The following ABTB3 variants were observed in gnomAD, a reference collection of about 807,000 sequenced individuals.
The protein encoded by ABTB3 is ankyrin repeat- and BTB/POZ domain-containing protein 3.
the ABTB3 span, among the ~76,000 whole-genome samples, chr12:107,550,300 C>T: frequency 6.6e-6 from 1 of 152,076 alleles, no homozygotes; most frequent in Non-Finnish European, 1.5e-5. Flanking sequence ...CCAACAGGAC[C>T]TGTCATTGTT....
At chr12:107,320,545 CG>C in the ABTB3 span, 1 of 456,020 alleles carries the variant, frequency 2.2e-6, no homozygotes, top group East Asian at 7.0e-5. Flanking sequence ...CCCACTCCCT[CG>C]GGGGGCACGC....
chr12:107,340,106 C>A, the ABTB3 span, among the ~76,000 whole-genome samples: 1 of 151,768 alleles, frequency 6.6e-6, no homozygotes, highest in African/African-American at 2.4e-5. Context: ...ATACTGAAGT[C>A]AACAATTAAT....
the ABTB3 span, chr12:107,615,238 G>C: frequency 4.3e-6 from 5 of 1,151,046 alleles, no homozygotes; most frequent in Admixed American, 9.7e-5. Context: ...ACCTCTCCCA[G>C]CATGCATATT....
At chr12:107,541,382 G>C in the ABTB3 span, among the ~76,000 whole-genome samples, 4 of 152,238 alleles carry the variant, frequency 2.6e-5, no homozygotes, top group African/African-American at 9.6e-5. Context: ...CATCATGTCA[G>C]ATATCGTATT....
the ABTB3 span, among the ~76,000 whole-genome samples, chr12:107,382,303 G>A: frequency 6.6e-6 from 1 of 152,098 alleles, no homozygotes; most frequent in Non-Finnish European, 1.5e-5. Context: ...GGAGAGATGG[G>A]CCAGGACCTG....
chr12:107,533,890 T>C, the ABTB3 span, among the ~76,000 whole-genome samples: 1 of 152,222 alleles, frequency 6.6e-6, no homozygotes, highest in African/African-American at 2.4e-5. Flanking sequence ...AAGCAAGTCT[T>C]GACAAATTTT....
the ABTB3 span, among the ~76,000 whole-genome samples, chr12:107,508,434 ATTTCTTTTTTTTTTTTT>A: frequency 1.7e-5 from 1 of 58,718 alleles, no homozygotes; most frequent in Non-Finnish European, 3.8e-5. Context: ...CTCAAAGATC[ATTTCTTTTTTTTTTTTT>A]TTTTTTTTTT....
At chr12:107,492,256 TCACCTC>T in the ABTB3 span, among the ~76,000 whole-genome samples, 144 of 152,280 alleles carry the variant, frequency 9.5e-4, no homozygotes, top group African/African-American at 3.3e-3. Flanking sequence ...GGCTTCGTGT[TCACCTC>T]CACTGACTGG....
At chr12:107,519,069 GGT>G in the ABTB3 span, among the ~76,000 whole-genome samples, 1 of 152,110 alleles carries the variant, frequency 6.6e-6, no homozygotes, top group African/African-American at 2.4e-5. Flanking sequence ...TAGGATACTT[GGT>G]AGGTGTATCT....
At chr12:107,469,896 T>TTC in the ABTB3 span, among the ~76,000 whole-genome samples, 1 of 107,636 alleles carries the variant, frequency 9.3e-6, no homozygotes, top group Non-Finnish European at 1.9e-5. Flanking sequence ...CTTTCTTTCT[T>TTC]TCTTTCTTTC....
the ABTB3 span, chr12:107,486,724 C>T: frequency 7.4e-6 from 1 of 135,934 alleles, no homozygotes; most frequent in African/African-American, 2.9e-5. Flanking sequence ...CTCCAAGGGG[C>T]TCTTAATAGC....
At chr12:107,349,912 C>A in the ABTB3 span, among the ~76,000 whole-genome samples, 1 of 152,340 alleles carries the variant, frequency 6.6e-6, no homozygotes, top group East Asian at 1.9e-4. Flanking sequence ...ACATAGACAT[C>A]TCCATTTGAG....
the ABTB3 span, among the ~76,000 whole-genome samples, chr12:107,631,336 T>C: frequency 6.6e-6 from 1 of 152,228 alleles, no homozygotes; most frequent in South Asian, 2.1e-4. Flanking sequence ...CATGTTTTCT[T>C]TATCCAGTGC....
chr12:107,377,542 G>C, the ABTB3 span, among the ~76,000 whole-genome samples: 6 of 152,272 alleles, frequency 3.9e-5, no homozygotes, highest in Non-Finnish European at 7.3e-5. Flanking sequence ...CTGGATCCCT[G>C]TGGGTCTTAG....
the ABTB3 span, among the ~76,000 whole-genome samples, chr12:107,334,420 G>T: frequency 6.6e-6 from 1 of 152,134 alleles, no homozygotes; most frequent in African/African-American, 2.4e-5. Context: ...AATGAGGGGG[G>T]TTAAGGAAGA....
chr12:107,633,929 A>AG, the ABTB3 span, among the ~76,000 whole-genome samples: 1 of 152,256 alleles, frequency 6.6e-6, no homozygotes, highest in African/African-American at 2.4e-5. Flanking sequence ...ATGCTGGTCC[A>AG]GGGACCACAC....
the ABTB3 span, among the ~76,000 whole-genome samples, chr12:107,543,504 C>G: frequency 6.6e-6 from 1 of 152,018 alleles, no homozygotes; most frequent in Non-Finnish European, 1.5e-5. Context: ...AGAGAATGTT[C>G]TGGACAGAGG....
chr12:107,559,436 G>A, the ABTB3 span, among the ~76,000 whole-genome samples: 1 of 152,224 alleles, frequency 6.6e-6, no homozygotes, highest in East Asian at 1.9e-4. Context: ...AACTGAGGCT[G>A]GCCCAGCATG....
At chr12:107,422,076 A>T in the ABTB3 span, among the ~76,000 whole-genome samples, 2 of 152,322 alleles carry the variant, frequency 1.3e-5, no homozygotes, top group East Asian at 1.9e-4. Flanking sequence ...GCTGGGAGGT[A>T]GATAGGTTTG....
Sources: gnomAD v4.1 joint callset for allele counts (sites outside exome capture counted in the v4.1 genomes callset) on GRCh38, gnomAD v4.1.1 for gene constraint, MANE v1.5 for transcripts, NCBI Gene and HGNC (gene_info 2026-07-23, HGNC 2026-07-21) for gene names.